The following GMIP variants were observed in gnomAD, a reference collection of about 807,000 sequenced individuals.
GMIP encodes GEM-interacting protein.
In GMIP, 54 loss-of-function variants were observed where a neutral mutation model predicts 105.3. That is an observed-to-expected ratio of 0.51 (90% CI 0.41 to 0.64). GMIP has a LOEUF of 0.64. GMIP is among the 30% of genes least tolerant of loss of function. The pLI is 0.00. For synonymous variants in GMIP, 541 were observed against 560.8 expected, an observed-to-expected ratio of 0.96 and a Z score of 0.50; for missense variants, 1,110 against 1,319.4, an observed-to-expected ratio of 0.84 and a Z score of 2.46.
chr19:19,636,859 T>G, intron 12 of GMIP, 58 bp downstream of exon 12: 3 of 1,528,898 alleles, frequency 2.0e-6, no homozygotes, highest in Non-Finnish European at 2.7e-6. Flanking sequence ...GCAGCCCACC[T>G]ATGTGTTGGT....
Position 19,637,634 on chromosome 19 carries a change from G to A in GMIP, c.928-73C>T. 8.1e-7 allele frequency: 1 copy of A among 1,240,502 alleles called. No individual in the cohort carries two copies. Among genetic ancestry groups the A allele is most frequent in the Non-Finnish European group, 1.1e-6 (1 of 924,680 alleles). 76.8% of individuals were successfully genotyped at this position (1,240,502 alleles called of 1,614,324 possible). ...TGGGGGCAGGGCCAGAGCTGGGGCG[G>A]GGCTTGAGAGACGCGAACGTGGTCA... On this transcript the variant is annotated intron_variant, in intron 10 of 20. Coordinates refer to ENST00000203556, the MANE Select transcript of GMIP (RefSeq NM_016573.4). The surrounding 1 kb of genome is among the most constrained non-coding windows in gnomAD (Gnocchi z 6.7).
intron 2 of GMIP, among the ~76,000 whole-genome samples, 164 bp downstream of exon 2, chr19:19,642,371 T>C (rs1323957492): frequency 6.6e-6 from 1 of 152,110 alleles, no homozygotes; most frequent in Non-Finnish European, 1.5e-5. Flanking sequence ...GGGGACACTT[T>C]TAGGATACCG....
rs891849473 is a variant in GMIP, at chr19:19,630,415, C to T, written c.2539+56G>A. The T allele has an allele frequency of 6.3e-7, 1 of 1,597,968 alleles. No homozygotes were observed. ...CCCCCAGGAGTCATCTTTTAGCAAG[C>T]CACCCTGGGGCCAGGGCACCCCCAG... On this transcript the variant is annotated intron_variant, in intron 20 of 20. Coordinates refer to ENST00000203556, the MANE Select transcript of GMIP (RefSeq NM_016573.4). This position sits in a 1 kb window ranked among gnomAD's most constrained non-coding sequence, Gnocchi z 4.8.
rs373482686 is a variant in GMIP, at chr19:19,634,487, G to T, written c.2084+20C>A. On this transcript the variant is annotated intron_variant, in intron 18 of 20. Transcript: ENST00000203556. This position sits in a 1 kb window ranked among gnomAD's most constrained non-coding sequence, Gnocchi z 6.1. Reference sequence around the variant, plus strand: ...CCAGGGAAAAGGGTCGCGTTTCAAGGCTCAGGGACCCATGCACACCTGAAC... The same window carrying T: ...CCAGGGAAAAGGGTCGCGTTTCAAGTCTCAGGGACCCATGCACACCTGAAC... The T allele has an allele frequency of 1.9e-6, 3 of 1,586,962 alleles. No homozygotes were observed. In the African/African-American group the frequency reaches 4.1e-5, roughly 22 times the overall value.
chr19:19,643,075 GA>G (rs1237023818), intron 1 of GMIP: 1 of 215,534 alleles, frequency 4.6e-6, no homozygotes, highest in Non-Finnish European at 9.2e-6. Context: ...AAGACGGCCG[GA>G]AACACCAAGT....
chr19:19,640,605 C>A, intron 4 of GMIP, 34 bp from the exon 5 acceptor site: 2 of 1,612,452 alleles, frequency 1.2e-6, no homozygotes, highest in Non-Finnish European at 1.7e-6. Flanking sequence ...GACCTTTGCA[C>A]CCTAGTCTGC....
intron 7 of GMIP, among the ~76,000 whole-genome samples, chr19:19,638,775 C>A (rs187051507): frequency 2.7e-5 from 4 of 147,484 alleles, no homozygotes; most frequent in African/African-American, 1.0e-4. Flanking sequence ...AAAACAATTT[C>A]TTCTTTTTTT....
In GMIP at chr19:19,641,845, C is replaced by G. The variant is rs773234836; in HGVS notation, c.203G>C (p.Ser68Thr). The change falls in exon 4 of 21, where the codon AGC (serine) becomes ACC (threonine). Residue 68 changes from serine to threonine, a missense_variant. Physicochemically the swap from Ser to Thr is moderately conservative, Grantham distance 58 (BLOSUM62 1). Coordinates refer to ENST00000203556, the MANE Select transcript of GMIP (RefSeq NM_016573.4). ...TACAGGACCCTCTGGGGAGGGGCCG[C>G]TCCAACAGCTGGCTTCGTTGGTCTG... is the stretch of plus-strand genomic sequence containing the variant. ...ATVTNEASCW[S>T]GPSPEGPVPL... The G allele has an allele frequency of 1.8e-5, 29 of 1,613,002 alleles. No individual in the cohort carries two copies. The highest frequency in any genetic ancestry group is 2.5e-5 in the Non-Finnish European group (29 of 1,179,894).
chr19:19,637,139 T>C lies in GMIP; in HGVS notation c.1125-110A>G. The C allele has an allele frequency of 1.3e-6, 1 of 744,730 alleles. No individual in the cohort carries two copies. 46.1% of individuals were successfully genotyped at this position (744,730 alleles called of 1,614,324 possible). ...TCCAAGCACTTGGGTCTGCAAACCC[T>C]GACACCCAGGGCATTGTGGCCCCTG... is the stretch of plus-strand genomic sequence containing the variant. On this transcript the variant is annotated intron_variant, in intron 11 of 20. Coordinates refer to ENST00000203556, the MANE Select transcript of GMIP (RefSeq NM_016573.4). This position sits in a 1 kb window ranked among gnomAD's most constrained non-coding sequence, Gnocchi z 6.7.
chr19:19,634,431 G>C lies in GMIP; in HGVS notation c.2084+76C>G. 1 of 1,266,216 alleles carries C rather than the reference G, an allele frequency of 7.9e-7. No individual in the cohort carries two copies. The highest frequency in any genetic ancestry group is 1.3e-5 in the South Asian group (1 of 78,758). The allele number at this position is 1,266,216 out of a possible 1,614,324, so 78.4% of individuals were successfully genotyped here. A position where few individuals can be genotyped will look rare whatever the true frequency, so the allele number is the denominator to read the frequency against. ...GTCAAAGGTCAGAGGTCAGTGTCAG[G>C]GGTCAGCCAGGGAAGTTAGTAGTCG... On this transcript the variant is annotated intron_variant, in intron 18 of 20. Coordinates refer to ENST00000203556, the MANE Select transcript of GMIP (RefSeq NM_016573.4). This position sits in a 1 kb window ranked among gnomAD's most constrained non-coding sequence, Gnocchi z 6.1.
chr19:19,643,629 C>G lies in GMIP; in HGVS notation c.-100G>C. On this transcript the variant is annotated 5_prime_UTR_variant, in exon 1 of 21. Coordinates refer to ENST00000203556, the MANE Select transcript of GMIP (RefSeq NM_016573.4). ...TTCCTGCCGCCGCAGCCGCCGCCGC[C>G]GCCTCGGTTCCGCGTCGCCCTGCCC... 2.8e-6 allele frequency: 3 copies of G among 1,071,582 alleles called. No homozygotes were observed. The highest frequency in any genetic ancestry group is 4.0e-6 in the Non-Finnish European group (3 of 750,388). The allele number at this position is 1,071,582 out of a possible 1,614,324, so 66.4% of individuals were successfully genotyped here. A position where few individuals can be genotyped will look rare whatever the true frequency, so the allele number is the denominator to read the frequency against.
At position 19,629,720 on chromosome 19, in the gene GMIP, G is replaced by T; in HGVS notation, c.*243C>A. The T allele has an allele frequency of 1.8e-6, 1 of 544,940 alleles. No homozygotes were observed. Among genetic ancestry groups the T allele is most frequent in the Non-Finnish European group, 3.2e-6 (1 of 309,118 alleles). The allele number at this position is 544,940 out of a possible 1,614,324, so 33.8% of individuals were successfully genotyped here. ...TTGACCCTGAGTGACCTCTGAGCCC[G>T]AGTGGCCCTGATGCTTGGCAGTGAC... On this transcript the variant is annotated 3_prime_UTR_variant, in exon 21 of 21. Coordinates refer to ENST00000203556, the MANE Select transcript of GMIP (RefSeq NM_016573.4).
Position 19,630,071 on chromosome 19 carries a change from C to T in GMIP, c.2805G>A (p.Glu935=). 1 of 1,610,760 alleles carries T rather than the reference C, an allele frequency of 6.2e-7. No individual in the cohort carries two copies. ...LRRTPLPKHF[E]ITQETARLLS... is the part of the protein sequence containing the mutation. ...GTAGCCGGGCTGTCTCCTGGGTAAT[C>T]TCAAAATGCTTGGGCAGCGGGGTGC... Residue 935 remains glutamate, a synonymous_variant, in exon 21 of 21, where the codon GAG becomes GAA. Transcript: ENST00000203556. The surrounding 1 kb of genome is among the most constrained non-coding windows in gnomAD (Gnocchi z 4.8).
chr19:19,629,780 C>T lies in GMIP; in HGVS notation c.*183G>A. Reference sequence around the variant, plus strand: ...GTGGGGGGACTCTGGGACATTATCCCCAAAAGGGTTTTAGGCCTCCCCTAG... The same window carrying T: ...GTGGGGGGACTCTGGGACATTATCCTCAAAAGGGTTTTAGGCCTCCCCTAG... On this transcript the variant is annotated 3_prime_UTR_variant, in exon 21 of 21. Coordinates refer to ENST00000203556, the MANE Select transcript of GMIP (RefSeq NM_016573.4). 3.2e-6 allele frequency: 2 copies of T among 625,262 alleles called. No individual in the cohort carries two copies. The highest frequency in any genetic ancestry group is 4.1e-5 in the South Asian group (2 of 49,314). 38.7% of individuals were successfully genotyped at this position (625,262 alleles called of 1,614,324 possible). A position where few individuals can be genotyped will look rare whatever the true frequency, so the allele number is the denominator to read the frequency against.
rs1164997730 is a variant in GMIP at position 19,638,476 on chromosome 19, C to T, written c.544G>A (p.Ala182Thr). ...TTCTCAATCTCAGTCCGTTTGGCGG[C>T]GAGGGGCTGGCAAGGGTTGGGGATG... ...QQKRDYYQPL[A>T]AKRTEIEKWR... Residue 182 changes from alanine to threonine, a missense_variant, in exon 8 of 21, where the codon GCC becomes ACC. Around this residue, in one of 3 missense-constraint regions of GMIP, gnomAD observed 667 missense variants for 773.2 expected, o/e 0.86. Coordinates refer to ENST00000203556, the MANE Select transcript of GMIP (RefSeq NM_016573.4). 1 of 1,613,898 alleles carries T rather than the reference C, an allele frequency of 6.2e-7. No individual in the cohort carries two copies. The highest frequency in any genetic ancestry group is 1.3e-5 in the African/African-American group (1 of 75,036).
rs2061923991 is a variant in GMIP at position 19,641,879 on chromosome 19, G to A, written c.181-12C>T. The A allele has an allele frequency of 3.1e-6, 5 of 1,613,272 alleles. No homozygotes were observed. In the East Asian group the frequency reaches 6.7e-5, roughly 22 times the overall value. On this transcript the variant is annotated splice_polypyrimidine_tract_variant and intron_variant, in intron 3 of 20. Coordinates refer to ENST00000203556, the MANE Select transcript of GMIP (RefSeq NM_016573.4). Reference sequence around the variant, plus strand: ...CTGGCTTCGTTGGTCTGTGCGGGAGGGAGACAGTATTCAGAAGCAAACAGG... The same window carrying A: ...CTGGCTTCGTTGGTCTGTGCGGGAGAGAGACAGTATTCAGAAGCAAACAGG...
chr19:19,639,980 G>A lies in GMIP; in HGVS notation c.537+105C>T. The A allele has an allele frequency of 4.5e-6, 3 of 662,130 alleles. No homozygotes were observed. In the South Asian group the frequency reaches 5.3e-5, roughly 12 times the overall value. 41.0% of individuals were successfully genotyped at this position (662,130 alleles called of 1,614,324 possible). A position where few individuals can be genotyped will look rare whatever the true frequency, so the allele number is the denominator to read the frequency against. On this transcript the variant is annotated intron_variant, in intron 7 of 20. Transcript: ENST00000203556. ...CCTCATCAATGAAATGGCGACGTTGGTAGTGGTGCCTTCCTCCCAGCTTGC... is the reference window on the plus strand; with the variant it reads ...CCTCATCAATGAAATGGCGACGTTGATAGTGGTGCCTTCCTCCCAGCTTGC...
intron 19 of GMIP, among the ~76,000 whole-genome samples, chr19:19,632,478 G>A (rs1453809483): frequency 6.6e-6 from 1 of 152,044 alleles, no homozygotes; most frequent in Admixed American, 6.6e-5. Context: ...AGGTTGTGGT[G>A]AGCCGAGATC....
chr19:19,638,600 T>C (rs2061884568), intron 7 of GMIP, 118 bp from the exon 8 acceptor site: 10 of 800,342 alleles, frequency 1.2e-5, no homozygotes, highest in Middle Eastern at 2.4e-4. Context: ...TATTTTTTTT[T>C]TTTTCGAGAC....
Sources: allele counts gnomAD v4.1 joint callset (sites outside exome capture counted in the v4.1 genomes callset), GRCh38; gene constraint gnomAD v4.1.1; regional missense constraint gnomAD v4.1.1; non-coding constraint Gnocchi (gnomAD v3.1); transcripts MANE v1.5; gene names NCBI Gene and HGNC (gene_info 2026-07-23, HGNC 2026-07-21).